Variants in EEF1E1 observed in about 807,000 individuals in gnomAD.
EEF1E1 encodes eukaryotic translation elongation factor 1 epsilon 1, also known as eukaryotic translation elongation factor 1 epsilon-1.
EEF1E1 carries 19 observed loss-of-function variants against 19.9 expected under a neutral mutation model. The ratio of observed to expected loss-of-function variants is 0.95; its 90% CI spans 0.66 to 1.40. The LOEUF (loss-of-function observed/expected upper bound fraction) is 1.40, where lower values mean the gene tolerates loss of function less well. Ranked by LOEUF, EEF1E1 falls within the 40% of genes most tolerant of loss-of-function variation. EEF1E1 has a pLI of 0.00. For synonymous variants in EEF1E1, 81 were observed against 80.0 expected (o/e 1.01, Z -0.07); for missense variants, 198 against 202.2 (o/e 0.98, Z 0.13).
chr6:8,082,300 CAG>C (rs1292363929), intron 3 of EEF1E1, among the ~76,000 whole-genome samples: 1 of 152,116 alleles, frequency 6.6e-6, no homozygotes, highest in African/African-American at 2.4e-5. Flanking sequence ...TTTTTTGAGA[CAG>C]AGTCTTACTC....
downstream of EEF1E1, among the ~76,000 whole-genome samples, chr6:8,077,861 G>T (rs1022785950): frequency 6.6e-6 from 1 of 152,110 alleles, no homozygotes; most frequent in African/African-American, 2.4e-5. Flanking sequence ...GCACAATCAC[G>T]GCTCACTGCA....
rs749991944 is a variant in EEF1E1, at chr6:8,101,858, C to A, written c.87+577G>T. 2.3e-6 allele frequency: 3 copies of A among 1,281,462 alleles called. No individual in the cohort carries two copies. The African/African-American group carries it at 4.6e-5, about 20-fold the overall frequency. The allele number at this position is 1,281,462 out of a possible 1,614,324, so 79.4% of individuals were successfully genotyped here. A position where few individuals can be genotyped will look rare whatever the true frequency, so the allele number is the denominator to read the frequency against. The stretch of plus-strand genomic sequence containing the variant: ...CCTTCCCCGAATCCCCTAGATTGGG[C>A]CAAGACTCCTTAGGTGTTCTCTCTG... On this transcript the variant is annotated intron_variant, in intron 1 of 3. Transcript: ENST00000379715.
At chr6:8,096,166 T>C (rs896003432) in intron 2 of EEF1E1, among the ~76,000 whole-genome samples, 2 of 152,260 alleles carry the variant, frequency 1.3e-5, no homozygotes, top group Admixed American at 6.5e-5. Flanking sequence ...TTTTGAATCT[T>C]ATAAACCCAA....
At position 8,079,775 on chromosome 6, in the gene EEF1E1, T is replaced by C. The variant is rs1757680880; in HGVS notation, c.*115A>G. The C allele has an allele frequency of 1.3e-5, 18 of 1,357,136 alleles. No homozygotes were observed. The highest frequency in any genetic ancestry group is 1.6e-5 in the Non-Finnish European group (17 of 1,049,690). The allele number at this position is 1,357,136 out of a possible 1,614,324, so 84.1% of individuals were successfully genotyped here. Reference sequence around the variant, plus strand: ...ACAAGTTTACACTTCAAAAATTCTATCAACTTCAACAAATAATGAATGACT... The same window carrying C: ...ACAAGTTTACACTTCAAAAATTCTACCAACTTCAACAAATAATGAATGACT... On this transcript the variant is annotated 3_prime_UTR_variant, in exon 4 of 4. Coordinates refer to ENST00000379715, the MANE Select transcript of EEF1E1 (RefSeq NM_004280.5).
intron 1 of EEF1E1, 105 bp from the exon 2 acceptor site, chr6:8,097,572 C>T (rs946410396): frequency 2.1e-5 from 17 of 809,186 alleles, no homozygotes; most frequent in Non-Finnish European, 3.3e-5. Flanking sequence ...TGAAATAATC[C>T]TGGATTTTAC....
downstream of EEF1E1, among the ~76,000 whole-genome samples, chr6:8,075,051 C>G (rs1757559582): frequency 6.6e-6 from 1 of 152,176 alleles, no homozygotes; most frequent in South Asian, 2.1e-4. Context: ...CCTGTTGCCT[C>G]TATCTGTCCT....
chr6:8,074,577 T>C (rs1316273838), downstream of EEF1E1, among the ~76,000 whole-genome samples: 1 of 152,134 alleles, frequency 6.6e-6, no homozygotes, highest in African/African-American at 2.4e-5. Context: ...TTGACTTCCA[T>C]GAGGACATTG....
At position 8,080,084 on chromosome 6, in the gene EEF1E1, C is replaced by A. The variant is rs147390062; in HGVS notation, c.385-54G>T. ...CAACACAGATGTTACATAAGCACAA[C>A]TGTTAATATCACTTAAGTAGGAGAT... On this transcript the variant is annotated intron_variant, in intron 3 of 3. Transcript: ENST00000379715. 426 of 1,577,610 alleles carry A rather than the reference C, an allele frequency of 2.7e-4. 2 individuals are homozygous for A. In the African/African-American group the frequency reaches 5.1e-3, roughly 19 times the overall value.
intron 2 of EEF1E1, among the ~76,000 whole-genome samples, chr6:8,093,284 T>C (rs2113657828): frequency 6.6e-6 from 1 of 151,398 alleles, no homozygotes; most frequent in African/African-American, 2.4e-5. Context: ...ACATTCAAAA[T>C]ATTCACAGAT....
rs199998869 is a variant in EEF1E1 at position 8,102,548 on chromosome 6, C to G, written c.-27G>C. ...TTCCGGCCGTAGCTCCTGGCAGACGCGAGACCTGCAGAACAAGAACCTCCC... is the reference window on the plus strand; with the variant it reads ...TTCCGGCCGTAGCTCCTGGCAGACGGGAGACCTGCAGAACAAGAACCTCCC... On this transcript the variant is annotated 5_prime_UTR_variant, in exon 1 of 4. Transcript: ENST00000379715. 6.2e-7 allele frequency: 1 copy of G among 1,605,176 alleles called. No homozygotes were observed. Among genetic ancestry groups the G allele is most frequent in the Admixed American group, 1.7e-5 (1 of 59,936 alleles).
intron 3 of EEF1E1, among the ~76,000 whole-genome samples, chr6:8,086,830 C>CCT (rs1425091486): frequency 6.6e-6 from 1 of 152,122 alleles, no homozygotes; most frequent in Non-Finnish European, 1.5e-5. Context: ...CCTACACATG[C>CCT]CAGGAATTAC....
chr6:8,075,188 C>G (rs1757562838), downstream of EEF1E1, among the ~76,000 whole-genome samples: 1 of 152,144 alleles, frequency 6.6e-6, no homozygotes. Context: ...GGTACACAGA[C>G]TTGACCTACC....
intron 1 of EEF1E1, among the ~76,000 whole-genome samples, chr6:8,101,270 A>G (rs1221941938): frequency 8.2e-6 from 1 of 121,528 alleles, no homozygotes; most frequent in African/African-American, 3.2e-5. Context: ...ATATATATAT[A>G]TATATATATA....
chr6:8,073,388 A>C, exon 4 of EEF1E1: 1 of 1,518,440 alleles, frequency 6.6e-7, no homozygotes, highest in Non-Finnish European at 8.9e-7. Context: ...ATGGCACTCC[A>C]TGTAGAGTAG....
chr6:8,074,031 TCAGGGGAATTGA>T, intron 3 of EEF1E1, among the ~76,000 whole-genome samples: 1 of 152,312 alleles, frequency 6.6e-6, no homozygotes, highest in Middle Eastern at 3.4e-3. Context: ...GAAAGGCCCT[TCAGGGGAATTGA>T]TAAGGTTGGG....
chr6:8,076,926 A>AT (rs750029678), downstream of EEF1E1, among the ~76,000 whole-genome samples: 955 of 142,646 alleles, frequency 6.7e-3, 16 homozygotes, highest in African/African-American at 0.019. Context: ...ATGTAGCATG[A>AT]TTTTTTTTGT....
intron 3 of EEF1E1, among the ~76,000 whole-genome samples, chr6:8,074,378 G>A (rs1212592987): frequency 2.6e-5 from 4 of 152,114 alleles, no homozygotes; most frequent in African/African-American, 9.7e-5. Context: ...AGCTCAGTCA[G>A]CTCAGTACAT....
chr6:8,102,171 C>G, intron 1 of EEF1E1: 1 of 1,216,444 alleles, frequency 8.2e-7, no homozygotes. Flanking sequence ...GGTTTTGTTT[C>G]CTCATAATGG....
rs779515941 is a variant in EEF1E1, at chr6:8,073,647, C to T, written c.385-137G>A. Reference sequence around the variant, plus strand: ...TAACAGATATTTTAAAAAGTATTAACAGATCTTCATAACTGAATACTACAG... The same window carrying T: ...TAACAGATATTTTAAAAAGTATTAATAGATCTTCATAACTGAATACTACAG... On this transcript the variant is annotated intron_variant, in intron 3 of 3. Coordinates refer to the EEF1E1 transcript ENST00000429723. 7.2e-6 allele frequency: 9 copies of T among 1,257,812 alleles called. No homozygotes were observed. The Admixed American group carries it at 8.5e-5, about 12-fold the overall frequency. 77.9% of individuals were successfully genotyped at this position (1,257,812 alleles called of 1,614,324 possible). A position where few individuals can be genotyped will look rare whatever the true frequency, so the allele number is the denominator to read the frequency against.
Sources: allele counts gnomAD v4.1 joint callset (sites outside exome capture counted in the v4.1 genomes callset), GRCh38; gene constraint gnomAD v4.1.1; transcripts MANE v1.5; gene names NCBI Gene and HGNC (gene_info 2026-07-23, HGNC 2026-07-21).